Variants in DYM observed in about 807,000 individuals in gnomAD.
DYM encodes dymeclin.
A neutral mutation model predicts 93.1 loss-of-function variants in DYM; 78 were observed. The ratio of observed to expected loss-of-function variants is 0.84; its 90% CI spans 0.70 to 1.01. DYM has a LOEUF of 1.01. Ranked by LOEUF, DYM falls within the 50% of genes least tolerant of loss-of-function variation. The probability of loss-of-function intolerance (pLI) is 0.00; values close to 1 mark genes in which losing one functional copy is unlikely to be tolerated. For missense variants in DYM, 789 were observed against 845.0 expected (o/e 0.93, Z 0.82); for synonymous variants, 321 against 319.7 (o/e 1.00, Z -0.04).
At chr18:49,322,966 G>T (rs1162183026) in intron 8 of DYM, among the ~76,000 whole-genome samples, 2 of 152,108 alleles carry the variant, frequency 1.3e-5, no homozygotes, top group African/African-American at 4.8e-5. Flanking sequence ...AGCAGGTCTG[G>T]CATTCAATTC....
intron 14 of DYM, among the ~76,000 whole-genome samples, chr18:49,202,775 A>T (rs1287157289): frequency 2.8e-5 from 1 of 35,252 alleles, no homozygotes; most frequent in Non-Finnish European, 5.7e-5. Flanking sequence ...CCGTCTGAGA[A>T]GTGAGGAGCC....
intron 10 of DYM, among the ~76,000 whole-genome samples, chr18:49,279,045 G>A (rs190291956): frequency 1.2e-3 from 186 of 152,146 alleles, no homozygotes; most frequent in African/African-American, 4.1e-3. Context: ...TTAATATTTA[G>A]GCACTTGGAT....
At chr18:49,333,610 G>A in intron 7 of DYM, 118 bp downstream of exon 7, 1 of 1,152,828 alleles carries the variant, frequency 8.7e-7, no homozygotes, top group Non-Finnish European at 1.3e-6. Flanking sequence ...AGAGACAATA[G>A]AACAACTAGA....
intron 8 of DYM, among the ~76,000 whole-genome samples, chr18:49,317,646 C>CTCCTTCCTTCCTTCCTTCCT (rs71297073): frequency 2.7e-5 from 1 of 36,610 alleles, no homozygotes; most frequent in Admixed American, 3.3e-4. Context: ...ATCCTCTCCT[C>CTCCTTCCTTCCTTCCTTCCT]TCCTTCCTTC....
chr18:49,289,723 ATG>A (rs374087638), intron 8 of DYM, among the ~76,000 whole-genome samples: 384 of 36,702 alleles, frequency 0.01, 5 homozygotes, highest in East Asian at 0.044. Context: ...ATATATATAT[ATG>A]TGTATATATA....
At chr18:49,068,711 T>TC (rs773758166) in intron 17 of DYM, among the ~76,000 whole-genome samples, 72 of 152,308 alleles carry the variant, frequency 4.7e-4, no homozygotes, top group Non-Finnish European at 9.3e-4. Context: ...TTCCTTTTTT[T>TC]CCCTTTTTCT....
chr18:49,217,287 C>G (rs1041058954), intron 13 of DYM, among the ~76,000 whole-genome samples: 1 of 152,076 alleles, frequency 6.6e-6, no homozygotes, highest in South Asian at 2.1e-4. Context: ...ATTGGTGTAC[C>G]TGAAAGTGAC....
chr18:49,351,174 C>A (rs543178131), intron 6 of DYM, among the ~76,000 whole-genome samples: 24 of 152,186 alleles, frequency 1.6e-4, no homozygotes, highest in Non-Finnish European at 3.2e-4. Flanking sequence ...GTAATCCTAG[C>A]ACTTTGGGAG....
At chr18:49,338,568 A>C (rs2146953657) in intron 6 of DYM, among the ~76,000 whole-genome samples, 1 of 152,332 alleles carries the variant, frequency 6.6e-6, no homozygotes, top group African/African-American at 2.4e-5. Flanking sequence ...AAGTAAACAA[A>C]CCAAAGGACC....
At chr18:49,142,982 T>C (rs1039805019) in intron 15 of DYM, among the ~76,000 whole-genome samples, 3 of 152,212 alleles carry the variant, frequency 2.0e-5, no homozygotes, top group African/African-American at 7.2e-5. Flanking sequence ...TCAATTTCGT[T>C]CAGGAAGAAT....
At chr18:49,249,852 T>C (rs1054653349) in intron 13 of DYM, among the ~76,000 whole-genome samples, 2 of 152,236 alleles carry the variant, frequency 1.3e-5, no homozygotes, top group African/African-American at 4.8e-5. Context: ...GTCATGGATT[T>C]GAGAATTTTA....
intron 15 of DYM, among the ~76,000 whole-genome samples, chr18:49,151,470 A>G (rs2085808222): frequency 6.6e-6 from 1 of 152,220 alleles, no homozygotes; most frequent in Admixed American, 6.5e-5. Context: ...GCATTTATAA[A>G]ACATTTGTAG....
intron 17 of DYM, among the ~76,000 whole-genome samples, chr18:49,061,417 AAT>A (rs1422485304): frequency 6.6e-6 from 1 of 152,162 alleles, no homozygotes; most frequent in Non-Finnish European, 1.5e-5. Context: ...TGTGTTTGAG[AAT>A]AAGAGGGGGA....
At position 49,333,745 on chromosome 18, in the gene DYM, A is replaced by G. The variant is rs1284193562; in HGVS notation, c.603T>C (p.Tyr201=). The G allele has an allele frequency of 6.8e-6, 11 of 1,613,978 alleles. 1 individual carries two copies. The highest frequency in any genetic ancestry group is 5.9e-6 in the Non-Finnish European group (7 of 1,179,878). The part of the protein sequence containing the change: ...EVLRQSISHK[Y]LMRGPCLPYT... ...AAACATACCATGGACCTCGCATCAA[A>G]TACTTGTGGCTGATGCTCTGTCGCA... Residue 201 remains tyrosine (Y), a synonymous_variant, in exon 7 of 18, where the codon TAT becomes TAC. Coordinates refer to ENST00000675505, the MANE Select transcript of DYM (RefSeq NM_001353214.3).
At chr18:49,430,782 G>A (rs1201583730) in intron 1 of DYM, among the ~76,000 whole-genome samples, 2 of 151,856 alleles carry the variant, frequency 1.3e-5, no homozygotes, top group African/African-American at 4.8e-5. Context: ...CTACTCAAGA[G>A]GCTGAGGCAA....
At chr18:49,398,761 CAGA>C (rs2070429131) in intron 2 of DYM, among the ~76,000 whole-genome samples, 1 of 152,034 alleles carries the variant, frequency 6.6e-6, no homozygotes, top group Non-Finnish European at 1.5e-5. Flanking sequence ...TGTTGACAAC[CAGA>C]AGACTTCTAA....
At chr18:49,407,637 G>A (rs903049183) in intron 2 of DYM, among the ~76,000 whole-genome samples, 3 of 152,154 alleles carry the variant, frequency 2.0e-5, no homozygotes, top group Non-Finnish European at 4.4e-5. Flanking sequence ...AGGGGATGGC[G>A]CTAGCCATTC....
chr18:49,293,926 T>C (rs2060345375), intron 8 of DYM, among the ~76,000 whole-genome samples: 1 of 152,208 alleles, frequency 6.6e-6, no homozygotes, highest in African/African-American at 2.4e-5. Flanking sequence ...CTAGGTTTTC[T>C]TCTAGGGTTT....
chr18:49,338,545 G>A (rs977621276), intron 6 of DYM, among the ~76,000 whole-genome samples: 2 of 152,096 alleles, frequency 1.3e-5, no homozygotes, highest in African/African-American at 2.4e-5. Context: ...AAACAGCATG[G>A]TATTTGTATA....
Sources: allele counts gnomAD v4.1 joint callset (sites outside exome capture counted in the v4.1 genomes callset), GRCh38; gene constraint gnomAD v4.1.1; transcripts MANE v1.5; gene names NCBI Gene and HGNC (gene_info 2026-07-23, HGNC 2026-07-21).